The following MID2 variants were observed in gnomAD, a reference collection of about 807,000 sequenced individuals.
MID2 encodes the protein probable E3 ubiquitin-protein ligase MID2.
MID2 carries 13 observed loss-of-function variants against 46.1 expected under a neutral mutation model. That is an observed-to-expected ratio of 0.28 (90% confidence interval 0.18 to 0.45). MID2 has a LOEUF of 0.45. MID2 is among the 20% of genes least tolerant of loss of function. MID2 has a pLI of 1.00. For missense variants in MID2, 431 were observed against 575.4 expected, an observed-to-expected ratio of 0.75 and a Z score of 2.57; for synonymous variants, 199 against 212.3, an observed-to-expected ratio of 0.94 and a Z score of 0.55.
chrX:107,894,749 A>G (rs941072613), intron 3 of MID2: 3 of 110,597 alleles, frequency 2.7e-5, no homozygotes, highest in Non-Finnish European at 3.8e-5. Context: ...ATGGGAGGAG[A>G]CACACAATAA....
chrX:107,915,898 G>A (rs993405140), intron 5 of MID2, 104 bp from the exon 6 acceptor site: 3 of 757,066 alleles, frequency 4.0e-6, no homozygotes, highest in Non-Finnish European at 5.7e-6. Context: ...AATAAATCAA[G>A]CCTTACAAGT....
chrX:107,908,132 C>T (rs1932852305), intron 5 of MID2, among the ~76,000 whole-genome samples: 1 of 112,417 alleles, frequency 8.9e-6, no homozygotes. Context: ...GCAATTTCAG[C>T]TCTATCAGAT....
Position 107,849,667 on chromosome X carries a change from C to A in MID2, c.721-4942C>A, listed in dbSNP as rs1931567308. Among the ~76,000 whole-genome samples, 3 of 112,172 alleles carry A rather than the reference C, an allele frequency of 2.7e-5. No homozygotes were observed. In the Admixed American group the frequency reaches 2.8e-4, roughly 11 times the overall value. ...AATAAAACTTGGGTAAAAATGGAATCAGTGTAGACTGCCAATTTAGCTAAC... is the reference window on the plus strand; with the variant it reads ...AATAAAACTTGGGTAAAAATGGAATAAGTGTAGACTGCCAATTTAGCTAAC... On this transcript the variant is annotated intron_variant, in intron 2 of 9. Transcript: ENST00000262843.
chrX:107,875,857 A>C (rs1357684154), intron 3 of MID2, among the ~76,000 whole-genome samples: 4 of 111,823 alleles, frequency 3.6e-5, no homozygotes, highest in Admixed American at 9.5e-5. Flanking sequence ...GTCCAAAAGG[A>C]GGTCCACTTT....
chrX:107,867,336 T>C (rs1302621612), intron 3 of MID2, among the ~76,000 whole-genome samples: 2 of 104,407 alleles, frequency 1.9e-5, no homozygotes, highest in African/African-American at 7.4e-5. Flanking sequence ...TTTTTTTTTG[T>C]ATTTTTAGTA....
chrX:107,918,800 C>T (rs1349288172), intron 7 of MID2, among the ~76,000 whole-genome samples: 1 of 112,270 alleles, frequency 8.9e-6, no homozygotes, highest in African/African-American at 3.2e-5. Context: ...AACTGTGCTT[C>T]TTTTTCCTGA....
Position 107,826,319 on chromosome X carries a change from C to T in MID2, c.-108C>T. ...ACAGTGGTAGCGGCGGCGGCGGCGA[C>T]CGGGGCCCGGGAGCTCGCGCCGGAG... On this transcript the variant is annotated 5_prime_UTR_variant, in exon 1 of 10. Transcript: ENST00000262843. The T allele has an allele frequency of 1.1e-6, 1 of 951,646 alleles. No individual in the cohort carries two copies. Among genetic ancestry groups the T allele is most frequent in the Non-Finnish European group, 1.4e-6 (1 of 730,899 alleles). The allele number at this position is 951,646 out of a possible 1,213,427, so 78.4% of individuals were successfully genotyped here.
intron 3 of MID2, among the ~76,000 whole-genome samples, chrX:107,901,823 G>A: frequency 9.0e-6 from 1 of 111,678 alleles, no homozygotes. Flanking sequence ...AAACAGATGG[G>A]GAAATGACTT....
At position 107,928,864 on chromosome X, in the gene MID2, G is replaced by T. The variant is rs375727367; in HGVS notation, c.*1791G>T. ...ATCTAGCAGCAATGTCATCTTTTTT[G>T]ATTTTAAATACCATATGTGCTTACT... On this transcript the variant is annotated 3_prime_UTR_variant, in exon 10 of 10. Transcript: ENST00000262843. 1.4e-4 allele frequency among the ~76,000 whole-genome samples: 16 copies of T among 112,018 alleles called. No individual in the cohort carries two copies. The highest frequency in any genetic ancestry group is 3.7e-4 in the South Asian group (1 of 2,721).
At chrX:107,920,197 A>G (rs1170387096) in intron 7 of MID2, among the ~76,000 whole-genome samples, 2 of 112,314 alleles carry the variant, frequency 1.8e-5, no homozygotes, top group African/African-American at 6.5e-5. Context: ...CCGTTCTGAG[A>G]GCTACTTTCC....
chrX:107,874,852 C>T (rs1205461930), intron 3 of MID2, among the ~76,000 whole-genome samples: 1 of 111,147 alleles, frequency 9.0e-6, no homozygotes, highest in Admixed American at 9.5e-5. Flanking sequence ...TGCTCTGGTC[C>T]CCTCTGACAA....
intron 1 of MID2, among the ~76,000 whole-genome samples, chrX:107,833,297 A>ATCAGAC (rs1931130112): frequency 9.0e-6 from 1 of 111,056 alleles, no homozygotes; most frequent in Non-Finnish European, 1.9e-5. Context: ...TTGAGGAAAC[A>ATCAGAC]TCAGACTAGG....
At chrX:107,891,366 C>T (rs757236143) in intron 3 of MID2, among the ~76,000 whole-genome samples, 7 of 107,695 alleles carry the variant, frequency 6.5e-5, no homozygotes, top group South Asian at 4.3e-4. Flanking sequence ...TTGCAACCTC[C>T]GCCTCTCAGG....
chrX:107,888,043 C>G (rs1313802204), intron 3 of MID2, among the ~76,000 whole-genome samples: 16 of 111,765 alleles, frequency 1.4e-4, no homozygotes, highest in Non-Finnish European at 2.4e-4. Flanking sequence ...TGCTAGTGGT[C>G]TATCAATTTT....
chrX:107,885,102 CTTATTTATTTAT>C (rs758914133), intron 3 of MID2, among the ~76,000 whole-genome samples: 7 of 105,448 alleles, frequency 6.6e-5, no homozygotes, highest in South Asian at 4.0e-4. Context: ...AGGAGAATCT[CTTATTTATTTAT>C]TTATTTATTT....
At chrX:107,924,279 G>A (rs1569472014) in intron 7 of MID2, 64 bp from the exon 8 acceptor site, 2 of 1,071,924 alleles carry the variant, frequency 1.9e-6, no homozygotes, top group East Asian at 6.1e-5. Flanking sequence ...TGAATTTTCA[G>A]TGTGTTTTTC....
At chrX:107,836,661 G>T (rs1931213844) in intron 1 of MID2, among the ~76,000 whole-genome samples, 1 of 110,538 alleles carries the variant, frequency 9.0e-6, no homozygotes, top group African/African-American at 3.3e-5. Context: ...TAGATAACCA[G>T]AAAGGTAGGG....
chrX:107,834,313 AGGGTGTGT>A (rs917994944), intron 1 of MID2, among the ~76,000 whole-genome samples: 3 of 111,958 alleles, frequency 2.7e-5, no homozygotes, highest in Non-Finnish European at 5.6e-5. Context: ...GGAACTAATC[AGGGTGTGT>A]GGATGTGGAC....
chrX:107,906,765 T>A (rs1932839186), intron 5 of MID2, among the ~76,000 whole-genome samples: 1 of 111,562 alleles, frequency 9.0e-6, no homozygotes, highest in Non-Finnish European at 1.9e-5. Flanking sequence ...TTTGTATTTT[T>A]AGTAGAGATG....
Sources: allele counts gnomAD v4.1 joint callset (sites outside exome capture counted in the v4.1 genomes callset), GRCh38; gene constraint gnomAD v4.1.1; transcripts MANE v1.5; gene names NCBI Gene and HGNC (gene_info 2026-07-23, HGNC 2026-07-21).